CDK8: variants seen among roughly 807,000 people sequenced by gnomAD.
CDK8 encodes cyclin-dependent kinase 8.
CDK8 carries 29 observed loss-of-function variants against 71.5 expected under a neutral mutation model. The ratio of observed to expected loss-of-function variants is 0.41; its 90% CI spans 0.30 to 0.55. CDK8 has a LOEUF of 0.55. Among genes scored for constraint, CDK8 ranks in the 20% least tolerant of loss-of-function variants. CDK8 has a pLI of 0.37. For synonymous variants in CDK8, 161 were observed against 192.1 expected (o/e 0.84, Z 1.34); for missense variants, 288 against 572.6 (o/e 0.50, Z 5.07).
intron 6 of CDK8, among the ~76,000 whole-genome samples, chr13:26,392,918 T>C (rs1387917141): frequency 1.3e-5 from 2 of 152,212 alleles, no homozygotes; most frequent in African/African-American, 4.8e-5. Context: ...TTACACTGAT[T>C]ATGTTAGGCG....
intron 1 of CDK8, among the ~76,000 whole-genome samples, chr13:26,258,362 T>A (rs1871620114): frequency 6.6e-6 from 1 of 152,188 alleles, no homozygotes; most frequent in African/African-American, 2.4e-5. Flanking sequence ...TAATATTTGC[T>A]TCAATAAACT....
chr13:26,393,984 G>C (rs1363382293), intron 7 of CDK8, among the ~76,000 whole-genome samples: 2 of 152,100 alleles, frequency 1.3e-5, no homozygotes, highest in Non-Finnish European at 2.9e-5. Context: ...TAGCATTTAA[G>C]TCTTCTCTTA....
At chr13:26,396,410 T>G (rs1367328205) in intron 8 of CDK8, 56 bp downstream of exon 8, 2 of 700,152 alleles carry the variant, frequency 2.9e-6, no homozygotes, top group Non-Finnish European at 4.7e-6. Context: ...GAATACTCAG[T>G]GTAAGACTGA....
intron 1 of CDK8, among the ~76,000 whole-genome samples, chr13:26,287,615 A>G (rs1225523521): frequency 6.6e-6 from 1 of 152,216 alleles, no homozygotes; most frequent in Admixed American, 6.5e-5. Context: ...CATATTGGGT[A>G]CAGTGTACAC....
intron 1 of CDK8, among the ~76,000 whole-genome samples, chr13:26,311,565 T>C (rs904207703): frequency 6.6e-6 from 1 of 152,194 alleles, no homozygotes; most frequent in Admixed American, 6.5e-5. Flanking sequence ...ATTATTTTCC[T>C]CTCCGTATTT....
chr13:26,309,944 T>C (rs566365), intron 1 of CDK8, among the ~76,000 whole-genome samples: 38,512 of 151,950 alleles, frequency 0.25, 5,606 homozygotes, highest in East Asian at 0.44. Flanking sequence ...TTAGTAGAGA[T>C]GGGGTTTCAC....
intron 1 of CDK8, among the ~76,000 whole-genome samples, chr13:26,304,504 T>A (rs1310168851): frequency 6.6e-6 from 1 of 152,176 alleles, no homozygotes; most frequent in Non-Finnish European, 1.5e-5. Flanking sequence ...TTCTTGCTAC[T>A]CCTTTAGTGG....
At chr13:26,372,760 A>G (rs1874750185) in intron 4 of CDK8, among the ~76,000 whole-genome samples, 1 of 152,190 alleles carries the variant, frequency 6.6e-6, no homozygotes, top group Admixed American at 6.5e-5. Context: ...TTCTGGCCTT[A>G]GTCATCTCAT....
intron 1 of CDK8, among the ~76,000 whole-genome samples, chr13:26,275,000 G>A (rs1246536590): frequency 2.0e-5 from 3 of 152,012 alleles, no homozygotes; most frequent in Admixed American, 6.6e-5. Context: ...GTTAGGTAGG[G>A]TTCTAACTTT....
intron 4 of CDK8, among the ~76,000 whole-genome samples, chr13:26,375,921 G>A (rs1326553386): frequency 6.6e-6 from 1 of 152,232 alleles, no homozygotes; most frequent in Non-Finnish European, 1.5e-5. Context: ...TTTGGGGGAT[G>A]GGCGAGGAGC....
chr13:26,389,347 A>G (rs1875631690), intron 6 of CDK8, among the ~76,000 whole-genome samples: 1 of 151,926 alleles, frequency 6.6e-6, no homozygotes, highest in African/African-American at 2.4e-5. Flanking sequence ...TTTAGTAGAG[A>G]CAGGGTTTTG....
chr13:26,389,033 G>C (rs1490801137), intron 6 of CDK8, among the ~76,000 whole-genome samples: 2 of 152,144 alleles, frequency 1.3e-5, no homozygotes, highest in Non-Finnish European at 2.9e-5. Context: ...AAGACTACCA[G>C]CCGAAGTTGT....
At chr13:26,382,714 G>T in intron 4 of CDK8, 100 bp from the exon 5 acceptor site, 1 of 684,950 alleles carries the variant, frequency 1.5e-6, no homozygotes, top group South Asian at 2.3e-5. Flanking sequence ...TTGAATAAAT[G>T]AGATTTTTTA....
intron 1 of CDK8, among the ~76,000 whole-genome samples, chr13:26,280,130 T>C (rs1207730626): frequency 1.3e-5 from 2 of 152,354 alleles, no homozygotes; most frequent in East Asian, 3.8e-4. Context: ...AATGACTACA[T>C]TGTAATTCCA....
intron 1 of CDK8, among the ~76,000 whole-genome samples, chr13:26,294,057 T>C (rs1485688571): frequency 6.6e-6 from 1 of 152,176 alleles, no homozygotes; most frequent in African/African-American, 2.4e-5. Flanking sequence ...AACAACATAA[T>C]GCCCTCTGGT....
chr13:26,268,672 C>T (rs921766909), intron 1 of CDK8, among the ~76,000 whole-genome samples: 3 of 152,010 alleles, frequency 2.0e-5, no homozygotes, highest in Non-Finnish European at 4.4e-5. Flanking sequence ...AAAAAAAACT[C>T]GAGAGCCATA....
At chr13:26,366,737 A>C (rs1293695996) in intron 4 of CDK8, among the ~76,000 whole-genome samples, 4 of 152,186 alleles carry the variant, frequency 2.6e-5, no homozygotes, top group Admixed American at 2.0e-4. Context: ...ACAGGCTTGT[A>C]ATTCAGGTCA....
intron 1 of CDK8, among the ~76,000 whole-genome samples, chr13:26,260,760 G>A (rs1482707963): frequency 1.3e-5 from 2 of 152,140 alleles, no homozygotes; most frequent in Admixed American, 6.5e-5. Flanking sequence ...AATTCTCTGG[G>A]CAAATGTGTT....
At chr13:26,330,119 C>T (rs1178998566) in intron 1 of CDK8, among the ~76,000 whole-genome samples, 1 of 152,134 alleles carries the variant, frequency 6.6e-6, no homozygotes, top group Non-Finnish European at 1.5e-5. Flanking sequence ...GTGATCAAAT[C>T]AGGGAATTCT....
Sources: allele counts gnomAD v4.1 joint callset (sites outside exome capture counted in the v4.1 genomes callset), GRCh38; gene constraint gnomAD v4.1.1; transcripts MANE v1.5; gene names NCBI Gene and HGNC (gene_info 2026-07-23, HGNC 2026-07-21).